Variants in ERCC6 observed in about 807,000 individuals in gnomAD.
ERCC6 encodes the protein DNA excision repair protein ERCC-6.
ERCC6 carries 116 observed loss-of-function variants against 158.7 expected under a neutral mutation model. That is an observed-to-expected ratio of 0.73 (90% confidence interval 0.63 to 0.85). The LOEUF (loss-of-function observed/expected upper bound fraction) is 0.85, where lower values mean the gene tolerates loss of function less well. Ranked by LOEUF, ERCC6 falls within the 40% of genes least tolerant of loss-of-function variation. The probability of loss-of-function intolerance (pLI) is 0.00; values close to 1 mark genes in which losing one functional copy is unlikely to be tolerated. For synonymous variants in ERCC6, 678 were observed against 659.3 expected (o/e 1.03, Z -0.43); for missense variants, 1,698 against 1,799.4 (o/e 0.94, Z 1.02).
At chr10:49,501,393 G>C (rs1169181635) in intron 6 of ERCC6, 2 of 152,100 alleles carry the variant, frequency 1.3e-5, no homozygotes, top group Non-Finnish European at 2.9e-5. Flanking sequence ...TTTACCAAAG[G>C]TACGAAAAGA....
chr10:49,465,796 C>T (rs1445975819), intron 18 of ERCC6, among the ~76,000 whole-genome samples: 1 of 152,204 alleles, frequency 6.6e-6, no homozygotes, highest in Admixed American at 6.5e-5. Context: ...AAAGCCTCCC[C>T]AGTCATGTGG....
At chr10:49,443,524 T>G in the ERCC6 span, among the ~76,000 whole-genome samples, 1 of 152,224 alleles carries the variant, frequency 6.6e-6, no homozygotes, top group East Asian at 1.9e-4. Context: ...TTGATGCTGT[T>G]GTAAACAACC....
intron 8 of ERCC6, among the ~76,000 whole-genome samples, chr10:49,484,004 T>C (rs1446733934): frequency 6.6e-6 from 1 of 151,724 alleles, no homozygotes; most frequent in Non-Finnish European, 1.5e-5. Flanking sequence ...AAAAGCCGGG[T>C]ACAGTGGCTC....
At chr10:49,451,982 T>C (rs1480153464), downstream of ERCC6, among the ~76,000 whole-genome samples, 1 of 152,190 alleles carries the variant, frequency 6.6e-6, no homozygotes, top group African/African-American at 2.4e-5. Context: ...TCATATCAGA[T>C]CCTAGTAATT....
chr10:49,500,915 A>G (rs1271286361), intron 6 of ERCC6: 5 of 560,266 alleles, frequency 8.9e-6, no homozygotes, highest in Non-Finnish European at 1.6e-5. Context: ...CAAAACATTA[A>G]CACATTTCTA....
the ERCC6 span, among the ~76,000 whole-genome samples, chr10:49,437,697 A>G: frequency 6.6e-6 from 1 of 152,208 alleles, no homozygotes; most frequent in Non-Finnish European, 1.5e-5. Flanking sequence ...TCTGGTTCTG[A>G]GCACCTGAGG....
chr10:49,509,948 A>T (rs1851506330), intron 5 of ERCC6, among the ~76,000 whole-genome samples: 1 of 152,178 alleles, frequency 6.6e-6, no homozygotes, highest in African/African-American at 2.4e-5. Flanking sequence ...AGCTCCTCAC[A>T]CAACTGCCAG....
Position 49,524,277 on chromosome 10 carries a change from C to T in ERCC6, c.1153G>A (p.Asp385Asn), listed in dbSNP as rs780608655. Residue 385 changes from aspartate (D) to asparagine (N), a missense_variant, in exon 5 of 21, where the codon GAT becomes AAT. Transcript: ENST00000355832. The stretch of plus-strand genomic sequence containing the variant: ...GCCTCTGCCCCCTCCACCTCGTCAT[C>T]TTCCTCCTCTTCCTCCTCCTCTGTG... ...FPTEEEEEEEDDEVEGAEADL... is the reference protein window; with the variant it reads ...FPTEEEEEEENDEVEGAEADL... The T allele has an allele frequency of 1.9e-6, 3 of 1,613,896 alleles. No homozygotes were observed. The highest frequency in any genetic ancestry group is 2.5e-6 in the Non-Finnish European group (3 of 1,179,968).
rs935570873 is a variant in ERCC6 at position 49,455,743 on chromosome 10, G to A, written c.*3072C>T. 6 of 151,978 alleles carry A rather than the reference G, an allele frequency of 3.9e-5. No individual in the cohort carries two copies. Among genetic ancestry groups the A allele is most frequent in the African/African-American group, 1.2e-4 (5 of 41,364 alleles). 9.4% of individuals were successfully genotyped at this position (151,978 alleles called of 1,614,324 possible). ...AACATAACACTAATAGGCAATGTAC[G>A]GTAGAGATCTACAAATGGCCAATAA... On this transcript the variant is annotated 3_prime_UTR_variant, in exon 21 of 21. Transcript: ENST00000355832.
At chr10:49,487,992 T>G (rs1851104517) in intron 8 of ERCC6, among the ~76,000 whole-genome samples, 1 of 152,226 alleles carries the variant, frequency 6.6e-6, no homozygotes, top group South Asian at 2.1e-4. Context: ...TATAGCTGCC[T>G]AGACTGGAGT....
the ERCC6 span, among the ~76,000 whole-genome samples, chr10:49,438,570 A>G: frequency 1.3e-5 from 2 of 152,128 alleles, no homozygotes; most frequent in African/African-American, 4.8e-5. Flanking sequence ...AAACCATATC[A>G]TTCTGCCCCA....
chr10:49,441,140 T>C, the ERCC6 span, among the ~76,000 whole-genome samples: 95 of 152,260 alleles, frequency 6.2e-4, no homozygotes, highest in Non-Finnish European at 1.2e-3. Context: ...AATGGTTTAT[T>C]GCTGTCATTG....
At chr10:49,463,207 A>G (rs1294220296) in intron 18 of ERCC6, among the ~76,000 whole-genome samples, 2 of 152,214 alleles carry the variant, frequency 1.3e-5, no homozygotes, top group Non-Finnish European at 2.9e-5. Context: ...CATACACCTT[A>G]CACACATAGC....
intron 4 of ERCC6, among the ~76,000 whole-genome samples, chr10:49,526,051 T>C (rs1445879398): frequency 6.7e-6 from 1 of 149,272 alleles, no homozygotes; most frequent in Non-Finnish European, 1.5e-5. Context: ...ATAATGTTGC[T>C]ATGAATATTC....
At chr10:49,500,072 A>G (rs538814325) in intron 7 of ERCC6, among the ~76,000 whole-genome samples, 1 of 152,270 alleles carries the variant, frequency 6.6e-6, no homozygotes, top group South Asian at 2.1e-4. Context: ...CAAAGCTCCA[A>G]CTCTCCCCAT....
intron 14 of ERCC6, 75 bp downstream of exon 14, chr10:49,473,402 G>A (rs1463741637): frequency 3.0e-6 from 3 of 984,256 alleles, no homozygotes; most frequent in Non-Finnish European, 5.0e-6. Flanking sequence ...GGTGGGTAAG[G>A]GTGTGGATAC....
chr10:49,501,073 A>G (rs1156464449), intron 6 of ERCC6: 1 of 253,610 alleles, frequency 3.9e-6, no homozygotes, highest in African/African-American at 2.3e-5. Context: ...AGTTCCATTA[A>G]TTTTTCTATA....
intron 18 of ERCC6, among the ~76,000 whole-genome samples, chr10:49,466,992 G>A (rs762883464): frequency 5.9e-5 from 9 of 152,072 alleles, no homozygotes; most frequent in Non-Finnish European, 1.0e-4. Flanking sequence ...TGTTGTCCAG[G>A]TTGGTCTCGA....
chr10:49,534,133 C>CAAAAAAAAAAAAA (rs746772551), intron 1 of ERCC6, among the ~76,000 whole-genome samples: 68 of 60,184 alleles, frequency 1.1e-3, no homozygotes, highest in East Asian at 2.4e-3. Flanking sequence ...GACTCAATCT[C>CAAAAAAAAAAAAA]AAAAAAAAAA....
Sources: gnomAD v4.1 joint callset for allele counts (sites outside exome capture counted in the v4.1 genomes callset) on GRCh38, gnomAD v4.1.1 for gene constraint, MANE v1.5 for transcripts, NCBI Gene and HGNC (gene_info 2026-07-23, HGNC 2026-07-21) for gene names.